The following CERS6 variants were observed in gnomAD, a reference collection of about 807,000 sequenced individuals.
CERS6 encodes the protein LAG1 homolog, ceramide synthase 6.
CERS6 carries 26 observed loss-of-function variants against 56.8 expected under a neutral mutation model. The ratio of observed to expected loss-of-function variants is 0.46; its 90% CI spans 0.34 to 0.63. CERS6 has a LOEUF of 0.63. Ranked by LOEUF, CERS6 falls within the 30% of genes least tolerant of loss-of-function variation. The probability of loss-of-function intolerance (pLI) is 0.01; values close to 1 mark genes in which losing one functional copy is unlikely to be tolerated. For missense variants in CERS6, 415 were observed against 467.5 expected (o/e 0.89, Z 1.04); for synonymous variants, 164 against 173.3 (o/e 0.95, Z 0.42).
chr2:168,558,415 G>T (rs1695720808), intron 2 of CERS6, among the ~76,000 whole-genome samples: 1 of 152,128 alleles, frequency 6.6e-6, no homozygotes, highest in Non-Finnish European at 1.5e-5. Context: ...AAAAGAATAA[G>T]GGTGTTCTAT....
Position 168,620,050 on chromosome 2 carries a change from CACACACACACACAT to C in CERS6, c.408-10933_408-10920del, listed in dbSNP as rs752656775. 7.5e-3 allele frequency among the ~76,000 whole-genome samples: 1,094 copies of C among 146,168 alleles called. 25 individuals carry two copies. The highest frequency in any genetic ancestry group is 0.012 in the Non-Finnish European group (811 of 66,302). On this transcript the variant is annotated intron_variant, in intron 3 of 9. Coordinates refer to ENST00000305747, the MANE Select transcript of CERS6 (RefSeq NM_203463.3). Reference sequence around the variant, plus strand: ...ACACACACACACACACACACACACACACACACACACACATATTTATATATATATGATCTAATACT... The same window carrying C: ...ACACACACACACACACACACACACACATTTATATATATATGATCTAATACT...
intron 1 of CERS6, among the ~76,000 whole-genome samples, chr2:168,503,272 T>C (rs1380429598): frequency 6.6e-6 from 1 of 152,196 alleles, no homozygotes; most frequent in Non-Finnish European, 1.5e-5. Flanking sequence ...CTTTATAAAT[T>C]ACCCAGCTTC....
intron 5 of CERS6, among the ~76,000 whole-genome samples, chr2:168,693,899 A>C (rs1002415143): frequency 2.6e-5 from 4 of 152,112 alleles, no homozygotes; most frequent in African/African-American, 9.7e-5. Flanking sequence ...CCCATTGTGT[A>C]TTTTGTTGTC....
chr2:168,534,267 C>T (rs1480441633), intron 1 of CERS6, among the ~76,000 whole-genome samples: 1 of 152,006 alleles, frequency 6.6e-6, no homozygotes, highest in Non-Finnish European at 1.5e-5. Flanking sequence ...CTTGCTGGGG[C>T]GACGTTGCGA....
At position 168,578,755 on chromosome 2, in the gene CERS6, A is replaced by G. The variant is rs1683338586; in HGVS notation, c.407+17433A>G. Among the ~76,000 whole-genome samples, 7 of 152,276 alleles carry G rather than the reference A, an allele frequency of 4.6e-5. 1 individual carries two copies. The South Asian group carries it at 1.5e-3, about 32-fold the overall frequency. On this transcript the variant is annotated intron_variant, in intron 3 of 9. Transcript: ENST00000305747. Reference sequence around the variant, plus strand: ...GCTTTTAAAAAAAGGTTTTACTTGGAAGACAACCAAATAAGCAAATAAAAA... The same window carrying G: ...GCTTTTAAAAAAAGGTTTTACTTGGGAGACAACCAAATAAGCAAATAAAAA...
intron 4 of CERS6, among the ~76,000 whole-genome samples, chr2:168,634,234 A>G (rs2105299873): frequency 6.6e-6 from 1 of 152,356 alleles, no homozygotes; most frequent in Non-Finnish European, 1.5e-5. Flanking sequence ...TGCTGTATAT[A>G]AGAGAGTCTG....
intron 7 of CERS6, among the ~76,000 whole-genome samples, chr2:168,715,529 T>C (rs1380560825): frequency 1.3e-5 from 2 of 152,162 alleles, no homozygotes; most frequent in African/African-American, 2.4e-5. Context: ...GGGGTCATTG[T>C]TTTTATTGCC....
chr2:168,634,323 C>A (rs183930446), intron 4 of CERS6, among the ~76,000 whole-genome samples: 1 of 152,308 alleles, frequency 6.6e-6, no homozygotes. Flanking sequence ...GAAGTCCTAG[C>A]AGACAGTGTA....
intron 1 of CERS6, among the ~76,000 whole-genome samples, chr2:168,487,702 G>A (rs1164989064): frequency 6.6e-6 from 1 of 151,968 alleles, no homozygotes; most frequent in Non-Finnish European, 1.5e-5. Context: ...AACCACATAA[G>A]CTATTACTTT....
intron 1 of CERS6, among the ~76,000 whole-genome samples, chr2:168,503,079 C>T (rs898889964): frequency 2.0e-5 from 3 of 152,080 alleles, no homozygotes. Flanking sequence ...ATGCTTTTCT[C>T]ATAGTAGTGA....
At chr2:168,542,888 G>A (rs1011757633) in intron 1 of CERS6, among the ~76,000 whole-genome samples, 6 of 152,052 alleles carry the variant, frequency 3.9e-5, no homozygotes, top group African/African-American at 7.2e-5. Flanking sequence ...GTAGAGATGG[G>A]GTTTCACCAT....
At chr2:168,530,649 G>A (rs1695150186) in intron 1 of CERS6, among the ~76,000 whole-genome samples, 2 of 152,184 alleles carry the variant, frequency 1.3e-5, no homozygotes, top group South Asian at 4.1e-4. Flanking sequence ...AATAGTTGAA[G>A]TGAACTCATA....
rs963687796 is a variant in CERS6 at position 168,696,739 on chromosome 2, G to T, written c.609+1688G>T. Among the ~76,000 whole-genome samples the T allele has an allele frequency of 2.0e-5, 3 of 152,180 alleles. No individual in the cohort carries two copies. The South Asian group carries it at 6.2e-4, about 32-fold the overall frequency. On this transcript the variant is annotated intron_variant, in intron 6 of 9. Transcript: ENST00000305747. Reference sequence around the variant, plus strand: ...CTCTATGAGGCCTCCTTGTGAAAAGGCATGAGTCCCATTCACAAGGGCTTC... The same window carrying T: ...CTCTATGAGGCCTCCTTGTGAAAAGTCATGAGTCCCATTCACAAGGGCTTC...
chr2:168,620,015 A>C (rs1313896602), intron 3 of CERS6, among the ~76,000 whole-genome samples: 3 of 14,262 alleles, frequency 2.1e-4, no homozygotes, highest in Admixed American at 6.2e-4. Flanking sequence ...CACAATCCAT[A>C]CACACACACA....
intron 4 of CERS6, among the ~76,000 whole-genome samples, chr2:168,683,914 T>C (rs1240145357): frequency 6.6e-6 from 1 of 152,182 alleles, no homozygotes; most frequent in East Asian, 1.9e-4. Context: ...TGAGAACTAT[T>C]GGCTGAAAGG....
chr2:168,564,573 G>A (rs999526430), intron 3 of CERS6, among the ~76,000 whole-genome samples: 3 of 152,134 alleles, frequency 2.0e-5, no homozygotes, highest in Non-Finnish European at 4.4e-5. Context: ...TCTGTCTTTT[G>A]CTTGTTTAAT....
At chr2:168,500,423 T>C (rs150692148) in intron 1 of CERS6, among the ~76,000 whole-genome samples, 4 of 152,276 alleles carry the variant, frequency 2.6e-5, no homozygotes, top group South Asian at 2.1e-4. Flanking sequence ...ATCAGGGAAA[T>C]TGGAAAAGTC....
intron 1 of CERS6, among the ~76,000 whole-genome samples, chr2:168,479,761 A>G (rs1293076752): frequency 1.3e-5 from 2 of 152,100 alleles, no homozygotes; most frequent in African/African-American, 4.8e-5. Flanking sequence ...GGCATGTGCC[A>G]CCACACCCAG....
intron 4 of CERS6, among the ~76,000 whole-genome samples, chr2:168,680,022 C>T (rs1261715031): frequency 4.6e-5 from 7 of 152,142 alleles, no homozygotes; most frequent in Non-Finnish European, 5.9e-5. Context: ...AAGTAATTTA[C>T]GAACTACGGC....
Sources: gnomAD v4.1 joint callset for allele counts (sites outside exome capture counted in the v4.1 genomes callset) on GRCh38, gnomAD v4.1.1 for gene constraint, MANE v1.5 for transcripts, NCBI Gene and HGNC (gene_info 2026-07-23, HGNC 2026-07-21) for gene names.